Variants in ALDH3A1 observed in about 807,000 individuals in gnomAD.
ALDH3A1 encodes aldehyde dehydrogenase, dimeric NADP-preferring.
A neutral mutation model predicts 49.9 loss-of-function variants in ALDH3A1; 46 were observed. That is an observed-to-expected ratio of 0.92 (90% confidence interval 0.73 to 1.18). The LOEUF is 1.18. Ranked by LOEUF, ALDH3A1 falls within the 50% of genes most tolerant of loss-of-function variation. The pLI, the probability that ALDH3A1 is intolerant of heterozygous loss-of-function variation, is 0.00. For missense variants in ALDH3A1, 592 were observed against 611.8 expected, an observed-to-expected ratio of 0.97 and a Z score of 0.34; for synonymous variants, 269 against 253.3, an observed-to-expected ratio of 1.06 and a Z score of -0.59.
intron 2 of ALDH3A1, 73 bp downstream of exon 2, chr17:19,744,895 T>TGCCCCCC: frequency 4.9e-4 from 456 of 923,958 alleles, no homozygotes; most frequent in East Asian, 1.3e-3. Context: ...GGTCGCACTC[T>TGCCCCCC]CCCCAGCCCC....
Position 19,743,121 on chromosome 17 carries a change from C to G in ALDH3A1, c.394+111G>C. 1 of 1,543,678 alleles carries G rather than the reference C, an allele frequency of 6.5e-7. No individual in the cohort carries two copies. The highest frequency in any genetic ancestry group is 8.7e-7 in the Non-Finnish European group (1 of 1,149,540). On this transcript the variant is annotated intron_variant, in intron 3 of 10. Transcript: ENST00000225740. This position sits in a 1 kb window ranked among gnomAD's most constrained non-coding sequence, Gnocchi z 4.4. Reference sequence around the variant, plus strand: ...CCACAGCCTCCTGTGACAGACCCAGCAAACCCTTATCTGACCCCAGGACTC... The same window carrying G: ...CCACAGCCTCCTGTGACAGACCCAGGAAACCCTTATCTGACCCCAGGACTC...
intron 4 of ALDH3A1, 27 bp downstream of exon 4, chr17:19,742,518 G>T: frequency 6.2e-7 from 1 of 1,604,678 alleles, no homozygotes; most frequent in Non-Finnish European, 8.5e-7. Context: ...AGGCCATGGA[G>T]TTACGAGGCC....
At chr17:19,739,312 C>T (rs1490854655) in intron 8 of ALDH3A1, among the ~76,000 whole-genome samples, 196 bp downstream of exon 8, 1 of 152,230 alleles carries the variant, frequency 6.6e-6, no homozygotes, top group Non-Finnish European at 1.5e-5. Flanking sequence ...GTGTGCAGGG[C>T]CCTGGGCAAG....
At chr17:19,739,981 G>A (rs1024958070) in intron 7 of ALDH3A1, among the ~76,000 whole-genome samples, 6 of 152,170 alleles carry the variant, frequency 3.9e-5, no homozygotes, top group African/African-American at 7.2e-5. Flanking sequence ...TGACAAACTC[G>A]GGGCCAAGAG....
Position 19,743,606 on chromosome 17 carries a change from G to A in ALDH3A1, c.163-143C>T. The A allele has an allele frequency of 6.9e-7, 1 of 1,443,260 alleles. No individual in the cohort carries two copies. Among genetic ancestry groups the A allele is most frequent in the Non-Finnish European group, 9.1e-7 (1 of 1,103,016 alleles). 89.4% of individuals were successfully genotyped at this position (1,443,260 alleles called of 1,614,324 possible). On this transcript the variant is annotated intron_variant, in intron 2 of 10. Transcript: ENST00000225740. This position sits in a 1 kb window ranked among gnomAD's most constrained non-coding sequence, Gnocchi z 4.4. ...TGGGGGCAGCCGCAGAAGGCTCCCA[G>A]GGGAAGCAGAGCCAGGATTAGCCGT... is the stretch of plus-strand genomic sequence containing the variant.
chr17:19,742,610 G>T lies in ALDH3A1; in HGVS notation c.415C>A (p.Pro139Thr), dbSNP rs751128591. The change falls in exon 4 of 11, where the codon CCC (proline) becomes ACC (threonine). Residue 139 changes from proline to threonine, a missense_variant. Physicochemically the swap from Pro to Thr is conservative, Grantham distance 38 (BLOSUM62 -1). Transcript: ENST00000225740. The part of the protein sequence containing the change: ...IAAGNSVVLK[P>T]SELSENMASL... ...GCCATGTTCTCACTCAGCTCCGAGG[G>T]CTTGAGGACCACTGAGTTCCCTGCA... 1.4e-5 allele frequency: 23 copies of T among 1,613,892 alleles called. No homozygotes were observed. The highest frequency in any genetic ancestry group is 1.3e-5 in the Non-Finnish European group (15 of 1,180,018).
chr17:19,741,262 T>C (rs1483384787), intron 5 of ALDH3A1, 52 bp from the exon 6 acceptor site: 2 of 1,545,510 alleles, frequency 1.3e-6, no homozygotes, highest in Non-Finnish European at 1.8e-6. Context: ...AGGAGTTGCA[T>C]CTCGTTTTGC....
chr17:19,740,063 G>T, intron 7 of ALDH3A1: 1 of 487,098 alleles, frequency 2.1e-6, no homozygotes, highest in Non-Finnish European at 3.6e-6. Flanking sequence ...GGCTCCTGTG[G>T]CTTCTGCTGT....
chr17:19,746,666 T>C (rs564661903), intron 1 of ALDH3A1, among the ~76,000 whole-genome samples: 14 of 146,264 alleles, frequency 9.6e-5, no homozygotes, highest in South Asian at 6.4e-4. Flanking sequence ...TGTGTGTGTG[T>C]GCGTGTGTGT....
At position 19,745,096 on chromosome 17, in the gene ALDH3A1, G is replaced by C. The variant is rs1231078861; in HGVS notation, c.34C>G (p.Arg12Gly). The C allele has an allele frequency of 6.3e-7, 1 of 1,590,012 alleles. No individual in the cohort carries two copies. Among genetic ancestry groups the C allele is most frequent in the Non-Finnish European group, 8.5e-7 (1 of 1,174,350 alleles). The change falls in exon 2 of 11, where the codon CGC becomes GGC. Residue 12 changes from arginine (R) to glycine (G), a missense_variant. Physicochemically the swap from Arg to Gly is moderately radical, Grantham distance 125 (BLOSUM62 -2). Coordinates refer to ENST00000225740, the MANE Select transcript of ALDH3A1 (RefSeq NM_000691.5). ...SKISEAVKRARAAFSSGRTRP... is the reference protein window; with the variant it reads ...SKISEAVKRAGAAFSSGRTRP... ...GTCCTGCCCGAGCTGAAGGCGGCGC[G>C]GGCGCGCTTCACGGCCTCGCTGATC...
intron 1 of ALDH3A1, among the ~76,000 whole-genome samples, chr17:19,746,685 G>A (rs769269051): frequency 6.3e-5 from 9 of 142,038 alleles, no homozygotes; most frequent in Non-Finnish European, 7.5e-5. Context: ...GTGCATGTGC[G>A]TGTGTGTGTG....
chr17:19,743,422 T>C lies in ALDH3A1; in HGVS notation c.204A>G (p.Leu68=). The change falls in exon 3 of 11, where the codon CTA becomes CTG. Residue 68 remains leucine, a synonymous_variant. Transcript: ENST00000225740. This position sits in a 1 kb window ranked among gnomAD's most constrained non-coding sequence, Gnocchi z 4.4. Reference sequence around the variant, plus strand: ...TCTGGATCATGTACTCGATCTCCTCTAGGACGTACACCACCTCCTCATAGT... The same window carrying C: ...TCTGGATCATGTACTCGATCTCCTCCAGGACGTACACCACCTCCTCATAGT... The part of the protein sequence containing the change: ...NAYYEEVVYV[L]EEIEYMIQKL... 1 of 1,613,076 alleles carries C rather than the reference T, an allele frequency of 6.2e-7. No homozygotes were observed. Among genetic ancestry groups the C allele is most frequent in the South Asian group, 1.1e-5 (1 of 90,948 alleles).
chr17:19,744,901 G>GTCGC (rs2086569103), intron 2 of ALDH3A1, 67 bp downstream of exon 2: 1 of 419,228 alleles, frequency 2.4e-6, no homozygotes, highest in African/African-American at 3.4e-5. Context: ...ACTCTCCCCA[G>GTCGC]CCCCTCCCCC....
rs569989170 is a variant in ALDH3A1, at chr17:19,742,156, C to T, written c.537G>A (p.Glu179=). The T allele has an allele frequency of 6.2e-7, 1 of 1,614,086 alleles. No individual in the cohort carries two copies. The highest frequency in any genetic ancestry group is 1.3e-5 in the African/African-American group (1 of 75,018). ...GVPETTELLK[E]RFDHILYTGS... is the part of the protein sequence containing the mutation. ...CCGTGTACAGGATATGGTCGAACCT[C>T]TCCTTGAGCAGCTCCGTGGTCTCAG... The change falls in exon 5 of 11, where the codon GAG becomes GAA. Residue 179 remains glutamate, a synonymous_variant. Coordinates refer to ENST00000225740, the MANE Select transcript of ALDH3A1 (RefSeq NM_000691.5).
chr17:19,744,901 G>GCCCC lies in ALDH3A1; in HGVS notation c.162+63_162+66dup, dbSNP rs370178415. The GCCCC allele has an allele frequency of 1.8e-3, 808 of 437,498 alleles. 53 individuals carry two copies. Among genetic ancestry groups the GCCCC allele is most frequent in the East Asian group, 0.014 (97 of 7,000 alleles). The allele number at this position is 437,498 out of a possible 1,614,324, so 27.1% of individuals were successfully genotyped here. On this transcript the variant is annotated intron_variant, in intron 2 of 10. Transcript: ENST00000225740. ...ACCTCTCTGGGTCGCACTCTCCCCA[G>GCCCC]CCCCTCCCCCCACGCCCCATCGCAT...
intron 2 of ALDH3A1, 40 bp downstream of exon 2, chr17:19,744,928 G>GCC: frequency 1.2e-6 from 1 of 858,028 alleles, no homozygotes; most frequent in African/African-American, 2.1e-5. Context: ...CCATCGCATG[G>GCC]CCCCGACACT....
intron 9 of ALDH3A1, 148 bp from the exon 10 acceptor site, chr17:19,738,601 A>C: frequency 8.2e-7 from 1 of 1,221,880 alleles, no homozygotes; most frequent in Non-Finnish European, 1.1e-6. Flanking sequence ...CTCAAATCCT[A>C]TGGCCCTCAG....
chr17:19,744,788 G>A (rs1325278818), intron 2 of ALDH3A1, 180 bp downstream of exon 2: 3 of 1,372,952 alleles, frequency 2.2e-6, no homozygotes, highest in Middle Eastern at 2.7e-4. Flanking sequence ...CGGAAGAGGC[G>A]GCGGGGGCGC....
Position 19,745,122 on chromosome 17 carries a change from T to C in ALDH3A1, c.8A>G (p.Lys3Arg). ...GGCGCGCTTCACGGCCTCGCTGATC[T>C]TGCTCATGGCGCCTGGGGACAGAGA... is the stretch of plus-strand genomic sequence containing the variant. MS[K>R]ISEAVKRARA... Residue 3 changes from lysine (K) to arginine (R), a missense_variant, in exon 2 of 11, where the codon AAG (lysine) becomes AGG (arginine). Transcript: ENST00000225740. 6.3e-7 allele frequency: 1 copy of C among 1,577,360 alleles called. No homozygotes were observed. Among genetic ancestry groups the C allele is most frequent in the South Asian group, 1.1e-5 (1 of 89,252 alleles).
Sources: gnomAD v4.1 joint callset for allele counts (sites outside exome capture counted in the v4.1 genomes callset) on GRCh38, gnomAD v4.1.1 for gene constraint, Gnocchi (gnomAD v3.1) non-coding constraint, MANE v1.5 for transcripts, NCBI Gene and HGNC (gene_info 2026-07-23, HGNC 2026-07-21) for gene names.